The following DZIP3 variants were observed in gnomAD, a reference collection of about 807,000 sequenced individuals.
The protein encoded by DZIP3 is E3 ubiquitin-protein ligase DZIP3.
DZIP3 carries 118 observed loss-of-function variants against 162.0 expected under a neutral mutation model. The observed-to-expected ratio is 0.73, with a 90% CI of 0.63 to 0.85. DZIP3 has a LOEUF of 0.85. DZIP3 is among the 40% of genes least tolerant of loss of function. The probability of loss-of-function intolerance (pLI) is 0.00; values close to 1 mark genes in which losing one functional copy is unlikely to be tolerated. For missense variants in DZIP3, 1,331 were observed against 1,407.0 expected, an observed-to-expected ratio of 0.95 and a Z score of 0.86; for synonymous variants, 438 against 458.6, an observed-to-expected ratio of 0.96 and a Z score of 0.57.
At chr3:108,591,378 CAG>C (rs1189743164) in intron 1 of DZIP3, among the ~76,000 whole-genome samples, 2 of 152,194 alleles carry the variant, frequency 1.3e-5, no homozygotes, top group Admixed American at 6.5e-5. Flanking sequence ...ATGAAGTGAT[CAG>C]AGTTTGATAG....
At position 108,690,851 on chromosome 3, in the gene DZIP3, C is replaced by G; in HGVS notation, c.3581C>G (p.Pro1194Arg). The change falls in exon 32 of 33, where the codon CCA becomes CGA. Residue 1194 changes from proline to arginine, a missense_variant. Pro to Arg is a moderately radical substitution (Grantham distance 103). Around this residue, in one of 2 missense-constraint regions of DZIP3, gnomAD observed 53 missense variants for 89.9 expected, o/e 0.59. Transcript: ENST00000361582. The part of the protein sequence containing the change: ...CPTCRLHVLL[P>R]EEFPGHPSRQ... ...ACGTGCAGACTCCACGTTTTGCTAC[C>G]AGAAGAATTCCCTGGTCACCCCAGC... is the stretch of plus-strand genomic sequence containing the variant. 1 of 1,614,116 alleles carries G rather than the reference C, an allele frequency of 6.2e-7. No homozygotes were observed. Among genetic ancestry groups the G allele is most frequent in the Non-Finnish European group, 8.5e-7 (1 of 1,180,004 alleles).
chr3:108,691,127 G>T, intron 32 of DZIP3: 1 of 351,060 alleles, frequency 2.8e-6, no homozygotes, highest in Non-Finnish European at 5.1e-6. Context: ...GCTCTTAGTA[G>T]GTTTTTTTCT....
intron 26 of DZIP3, among the ~76,000 whole-genome samples, chr3:108,681,295 A>G (rs1944298583): frequency 1.3e-5 from 2 of 152,200 alleles, no homozygotes; most frequent in African/African-American, 4.8e-5. Context: ...TTCTCAAAAG[A>G]AGACATTTAT....
chr3:108,689,253 G>C (rs1944605392), intron 31 of DZIP3, among the ~76,000 whole-genome samples: 1 of 152,204 alleles, frequency 6.6e-6, no homozygotes, highest in South Asian at 2.1e-4. Context: ...AGCACCACTT[G>C]AAATTGACAT....
chr3:108,671,641 G>A (rs1342686768), intron 22 of DZIP3, among the ~76,000 whole-genome samples: 1 of 151,890 alleles, frequency 6.6e-6, no homozygotes, highest in East Asian at 1.9e-4. Context: ...GTAACTTCAC[G>A]TAATGACGGG....
chr3:108,653,932 T>C (rs1178574137), intron 18 of DZIP3, among the ~76,000 whole-genome samples: 1 of 152,136 alleles, frequency 6.6e-6, no homozygotes, highest in African/African-American at 2.4e-5. Flanking sequence ...AACAGGTACC[T>C]TGATTGAGTG....
At chr3:108,658,261 G>A in intron 19 of DZIP3, among the ~76,000 whole-genome samples, 1 of 152,150 alleles carries the variant, frequency 6.6e-6, no homozygotes, top group Non-Finnish European at 1.5e-5. Context: ...CTCAGCAAAT[G>A]TAAAAGAACA....
At position 108,625,961 on chromosome 3, in the gene DZIP3, T is replaced by C. The variant is rs754258664; in HGVS notation, c.573T>C (p.Ala191=). The change falls in exon 7 of 33, where the codon GCT becomes GCC. Residue 191 remains alanine, a synonymous_variant. Coordinates refer to ENST00000361582, the MANE Select transcript of DZIP3 (RefSeq NM_014648.4). ...VYFGRGLLRC[A]QKRYNGGLLE... ...TTGGACGTGGTTTACTGCGATGTGC[T>C]CAAAAGAGGTAAGGATTTTAATTAA... The C allele has an allele frequency of 1.2e-6, 2 of 1,611,420 alleles. No homozygotes were observed.
chr3:108,599,251 C>T (rs1559715444), intron 1 of DZIP3, among the ~76,000 whole-genome samples: 1 of 152,138 alleles, frequency 6.6e-6, no homozygotes, highest in African/African-American at 2.4e-5. Flanking sequence ...CTTCCAGTTT[C>T]TGATAACTTT....
At chr3:108,686,151 T>G (rs1944490062) in intron 27 of DZIP3, among the ~76,000 whole-genome samples, 1 of 152,200 alleles carries the variant, frequency 6.6e-6, no homozygotes, top group African/African-American at 2.4e-5. Flanking sequence ...TGTCCTATTT[T>G]AAAAATAAGT....
chr3:108,613,756 T>A (rs1282058792), intron 4 of DZIP3, among the ~76,000 whole-genome samples: 5 of 152,106 alleles, frequency 3.3e-5, no homozygotes, highest in Non-Finnish European at 7.4e-5. Flanking sequence ...GCAAGCCCCA[T>A]CAGATTTCAG....
intron 3 of DZIP3, among the ~76,000 whole-genome samples, chr3:108,610,130 A>C (rs770716479): frequency 3.3e-5 from 5 of 152,196 alleles, no homozygotes; most frequent in African/African-American, 1.2e-4. Context: ...AGAGTTAGTA[A>C]ACGGTTAACA....
intron 1 of DZIP3, among the ~76,000 whole-genome samples, chr3:108,591,465 G>A (rs1016739617): frequency 2.6e-5 from 4 of 152,222 alleles, no homozygotes; most frequent in Non-Finnish European, 5.9e-5. Context: ...GCAAAGCTGC[G>A]TGCTATCAGT....
intron 1 of DZIP3, chr3:108,602,871 C>T (rs765757306): frequency 6.6e-6 from 1 of 152,176 alleles, no homozygotes; most frequent in Admixed American, 6.5e-5. Flanking sequence ...ATGATTCTTT[C>T]TCCTGGAAAA....
At chr3:108,664,274 G>A (rs908443701) in intron 21 of DZIP3, among the ~76,000 whole-genome samples, 1 of 152,092 alleles carries the variant, frequency 6.6e-6, no homozygotes, top group Non-Finnish European at 1.5e-5. Context: ...CAATAGAAAG[G>A]CTTTTTGACA....
chr3:108,665,839 A>G (rs1201230629), intron 21 of DZIP3, among the ~76,000 whole-genome samples: 2 of 152,170 alleles, frequency 1.3e-5, no homozygotes, highest in African/African-American at 4.8e-5. Context: ...AGAACCATGA[A>G]TCCTGTATTT....
chr3:108,631,055 A>ACACACACACACACACACACACCCT, intron 8 of DZIP3, among the ~76,000 whole-genome samples: 1 of 18,006 alleles, frequency 5.6e-5, no homozygotes, highest in Non-Finnish European at 9.0e-5. Flanking sequence ...ACACACACAC[A>ACACACACACACACACACACACCCT]CTCTCTCTCT....
At chr3:108,600,395 A>G (rs1939942433) in intron 1 of DZIP3, among the ~76,000 whole-genome samples, 1 of 152,132 alleles carries the variant, frequency 6.6e-6, no homozygotes, top group African/African-American at 2.4e-5. Context: ...TTTTTAATCA[A>G]AGGTCTGGTA....
chr3:108,618,967 A>G (rs1181748216), intron 5 of DZIP3, among the ~76,000 whole-genome samples: 1 of 145,444 alleles, frequency 6.9e-6, no homozygotes, highest in African/African-American at 2.5e-5. Context: ...AGGCTGAGGC[A>G]GGAGAATCAA....
Sources: allele counts gnomAD v4.1 joint callset (sites outside exome capture counted in the v4.1 genomes callset), GRCh38; gene constraint gnomAD v4.1.1; regional missense constraint gnomAD v4.1.1; transcripts MANE v1.5; gene names NCBI Gene and HGNC (gene_info 2026-07-23, HGNC 2026-07-21).